PIK3C2G: variants seen among roughly 807,000 people sequenced by gnomAD.
The protein encoded by PIK3C2G is phosphatidylinositol 3-kinase C2 domain-containing subunit gamma.
PIK3C2G carries 168 observed loss-of-function variants against 181.1 expected under a neutral mutation model. The ratio of observed to expected loss-of-function variants is 0.93; its 90% CI spans 0.82 to 1.05. The LOEUF is 1.05. PIK3C2G is among the 50% of genes least tolerant of loss of function. The probability of loss-of-function intolerance (pLI) is 0.00; values close to 1 mark genes in which losing one functional copy is unlikely to be tolerated. For missense variants in PIK3C2G, 1,869 were observed against 1,732.8 expected (o/e 1.08, Z -1.40); for synonymous variants, 573 against 592.2 (o/e 0.97, Z 0.47).
intron 29 of PIK3C2G, among the ~76,000 whole-genome samples, chr12:18,575,817 T>C (rs913458293): frequency 6.6e-6 from 1 of 152,220 alleles, no homozygotes; most frequent in Non-Finnish European, 1.5e-5. Flanking sequence ...ACTATATTTA[T>C]CTCTATTTTT....
At chr12:18,417,104 G>A (rs1472853538) in intron 16 of PIK3C2G, among the ~76,000 whole-genome samples, 1 of 152,172 alleles carries the variant, frequency 6.6e-6, no homozygotes, top group Non-Finnish European at 1.5e-5. Context: ...AGGGGTTCAG[G>A]TCTTCAGTGG....
At chr12:18,264,199 GTTTT>G (rs148926808) in intron 1 of PIK3C2G, among the ~76,000 whole-genome samples, 9,028 of 152,190 alleles carry the variant, frequency 0.059, 391 homozygotes, top group Non-Finnish European at 0.092. Context: ...AATAGAAAAT[GTTTT>G]TTAAGTTGGA....
chr12:18,550,525 C>CA (rs113057283), intron 26 of PIK3C2G, among the ~76,000 whole-genome samples: 148 of 146,266 alleles, frequency 1.0e-3, no homozygotes, highest in African/African-American at 2.2e-3. Flanking sequence ...CATAATTCAC[C>CA]AAAAAAAAAA....
chr12:18,633,172 T>C (rs475137), intron 31 of PIK3C2G, among the ~76,000 whole-genome samples: 82,686 of 152,050 alleles, frequency 0.54, 23,947 homozygotes, highest in Admixed American at 0.64. Context: ...CCTTGATATT[T>C]CATTGTTTAA....
chr12:18,385,492 T>G (rs1400732319), intron 14 of PIK3C2G, among the ~76,000 whole-genome samples: 2 of 152,172 alleles, frequency 1.3e-5, no homozygotes, highest in Admixed American at 1.3e-4. Context: ...GTGGAACAGC[T>G]CTGTCACATA....
chr12:18,343,897 A>G (rs1388320221), intron 10 of PIK3C2G, among the ~76,000 whole-genome samples: 1 of 151,802 alleles, frequency 6.6e-6, no homozygotes, highest in African/African-American at 2.4e-5. Context: ...TTGCCTCTAT[A>G]GAAAACAGTA....
intron 13 of PIK3C2G, among the ~76,000 whole-genome samples, chr12:18,378,840 C>A (rs79732273): frequency 6.6e-6 from 1 of 152,070 alleles, no homozygotes; most frequent in Non-Finnish European, 1.5e-5. Context: ...GTTAGAATGG[C>A]GATCATTAAA....
chr12:18,469,746 T>A, intron 18 of PIK3C2G, among the ~76,000 whole-genome samples: 1 of 149,982 alleles, frequency 6.7e-6, no homozygotes. Context: ...AAAAGATGAA[T>A]GTATGCTTAA....
chr12:18,722,935 A>G, the PIK3C2G span, among the ~76,000 whole-genome samples: 1 of 152,036 alleles, frequency 6.6e-6, no homozygotes, highest in Non-Finnish European at 1.5e-5. Flanking sequence ...ATGCATTAAA[A>G]TGGAAGACCA....
chr12:18,370,647 C>A (rs1941984388), intron 12 of PIK3C2G, among the ~76,000 whole-genome samples: 1 of 152,164 alleles, frequency 6.6e-6, no homozygotes, highest in Non-Finnish European at 1.5e-5. Context: ...ATTACATCCT[C>A]CACAATCTCC....
chr12:18,307,061 T>A (rs554410554), intron 5 of PIK3C2G, among the ~76,000 whole-genome samples: 1 of 149,384 alleles, frequency 6.7e-6, no homozygotes, highest in South Asian at 2.1e-4. Context: ...TATTCATAGT[T>A]TGAATGTTAT....
chr12:18,251,510 G>T (rs552128938), intron 1 of PIK3C2G, among the ~76,000 whole-genome samples: 1 of 152,054 alleles, frequency 6.6e-6, no homozygotes, highest in South Asian at 2.1e-4. Context: ...AATGTATTTA[G>T]TGTAGCCTAT....
At chr12:18,251,934 T>A (rs755765160) in intron 1 of PIK3C2G, among the ~76,000 whole-genome samples, 46 of 152,106 alleles carry the variant, frequency 3.0e-4, no homozygotes, top group Non-Finnish European at 5.6e-4. Context: ...CTGAATGCAA[T>A]AGACTCTACT....
chr12:18,510,087 A>C (rs903110113), intron 24 of PIK3C2G, among the ~76,000 whole-genome samples: 2 of 152,012 alleles, frequency 1.3e-5, no homozygotes, highest in African/African-American at 4.8e-5. Context: ...CTCCCACCTC[A>C]GCCTCCCAAG....
At chr12:18,337,850 T>C (rs946622462) in intron 8 of PIK3C2G, among the ~76,000 whole-genome samples, 1 of 152,164 alleles carries the variant, frequency 6.6e-6, no homozygotes, top group African/African-American at 2.4e-5. Context: ...AGCGATTTTT[T>C]TGAAAAATCA....
chr12:18,636,262 C>T (rs569911464), intron 31 of PIK3C2G, among the ~76,000 whole-genome samples: 29 of 152,084 alleles, frequency 1.9e-4, no homozygotes, highest in Non-Finnish European at 3.7e-4. Context: ...GATGGAATTT[C>T]GCTCTTGTTG....
chr12:18,355,568 G>C (rs1002303995), intron 11 of PIK3C2G, among the ~76,000 whole-genome samples: 6 of 152,110 alleles, frequency 3.9e-5, no homozygotes, highest in Non-Finnish European at 5.9e-5. Flanking sequence ...CCGGCTGCAC[G>C]GGGTCCCTGG....
At chr12:18,253,832 C>T (rs1240717613) in intron 1 of PIK3C2G, among the ~76,000 whole-genome samples, 4 of 150,166 alleles carry the variant, frequency 2.7e-5, no homozygotes, top group African/African-American at 9.8e-5. Flanking sequence ...AGCCAATAAC[C>T]CATCTGGTGG....
the PIK3C2G span, chr12:18,705,075 G>C: frequency 6.8e-7 from 1 of 1,477,374 alleles, no homozygotes; most frequent in Non-Finnish European, 9.4e-7. Flanking sequence ...CATTTTCATT[G>C]GTCTCTAGCC....
Sources: gnomAD v4.1 joint callset for allele counts (sites outside exome capture counted in the v4.1 genomes callset) on GRCh38, gnomAD v4.1.1 for gene constraint, MANE v1.5 for transcripts, NCBI Gene and HGNC (gene_info 2026-07-23, HGNC 2026-07-21) for gene names.